The following OPCML variants were observed in gnomAD, a reference collection of about 807,000 sequenced individuals.
OPCML encodes the protein opioid binding protein/cell adhesion molecule like.
In OPCML, 13 loss-of-function variants were observed where a neutral mutation model predicts 37.8. That is an observed-to-expected ratio of 0.34 (90% CI 0.22 to 0.55). The LOEUF (loss-of-function observed/expected upper bound fraction) is 0.55, where lower values mean the gene tolerates loss of function less well. OPCML is among the 20% of genes least tolerant of loss of function. OPCML has a pLI of 0.91. For synonymous variants in OPCML, 176 were observed against 168.8 expected, an observed-to-expected ratio of 1.04 and a Z score of -0.33; for missense variants, 341 against 435.6, an observed-to-expected ratio of 0.78 and a Z score of 1.93.
chr11:133,260,682 A>G (rs946171542), intron 1 of OPCML, among the ~76,000 whole-genome samples: 2 of 149,608 alleles, frequency 1.3e-5, no homozygotes, highest in Non-Finnish European at 2.9e-5. Flanking sequence ...AAATTAAATT[A>G]AACTAAAAAT....
intron 1 of OPCML, among the ~76,000 whole-genome samples, chr11:133,344,023 A>T (rs1334386617): frequency 6.6e-6 from 1 of 152,212 alleles, no homozygotes; most frequent in Non-Finnish European, 1.5e-5. Context: ...ATGATGAAAG[A>T]TTAAACCCTG....
chr11:133,258,569 C>T (rs1181160534), intron 1 of OPCML, among the ~76,000 whole-genome samples: 2 of 152,162 alleles, frequency 1.3e-5, no homozygotes, highest in Non-Finnish European at 2.9e-5. Context: ...TTTTCCTGAG[C>T]ATGGAAATGT....
intron 1 of OPCML, among the ~76,000 whole-genome samples, chr11:132,960,118 C>T (rs748911052): frequency 6.6e-6 from 1 of 152,162 alleles, no homozygotes; most frequent in Non-Finnish European, 1.5e-5. Flanking sequence ...CTACTGCCAC[C>T]GTTAATAACA....
rs374674143 is a variant in OPCML at position 133,516,359 on chromosome 11, G to A, written c.61+15905C>T. On this transcript the variant is annotated intron_variant, in intron 1 of 7. Coordinates refer to ENST00000524381, the MANE Select transcript of OPCML (RefSeq NM_001012393.5). Reference sequence around the variant, plus strand: ...TGGAGCCGTCACAGCCAGGGGCTTCGGAGAGCCACATCCGAGGCTTCTAGT... The same window carrying A: ...TGGAGCCGTCACAGCCAGGGGCTTCAGAGAGCCACATCCGAGGCTTCTAGT... Among the ~76,000 whole-genome samples the A allele has an allele frequency of 7.9e-5, 12 of 152,212 alleles. No homozygotes were observed. In the East Asian group the frequency reaches 1.5e-3, roughly 20 times the overall value.
chr11:132,671,030 G>C (rs1459966966), intron 2 of OPCML, among the ~76,000 whole-genome samples: 3 of 152,130 alleles, frequency 2.0e-5, no homozygotes, highest in Non-Finnish European at 4.4e-5. Context: ...CAACTAGTAG[G>C]CCAGTAGCTT....
At chr11:132,730,325 TATTA>T (rs1945035334) in intron 2 of OPCML, among the ~76,000 whole-genome samples, 1 of 152,156 alleles carries the variant, frequency 6.6e-6, no homozygotes, top group African/African-American at 2.4e-5. Flanking sequence ...CATGGCATCA[TATTA>T]ATTAACTGTA....
Position 132,662,358 on chromosome 11 carries a change from CTT to C in OPCML, c.147-5041_147-5040del, listed in dbSNP as rs1942011140. Among the ~76,000 whole-genome samples the C allele has an allele frequency of 2.1e-5, 3 of 142,648 alleles. No individual in the cohort carries two copies. The South Asian group carries it at 6.7e-4, about 32-fold the overall frequency. The allele number at this position is 142,648 out of a possible 152,430, so 93.6% of individuals were successfully genotyped here. A position where few individuals can be genotyped will look rare whatever the true frequency, so the allele number is the denominator to read the frequency against. On this transcript the variant is annotated intron_variant, in intron 2 of 7. Coordinates refer to ENST00000524381, the MANE Select transcript of OPCML (RefSeq NM_001012393.5). ...ATCACTGAAAATTAAAATCAATTGG[CTT>C]TAACTTTTTTGTGTTCTTTACTTTT... is the stretch of plus-strand genomic sequence containing the variant.
At chr11:132,848,094 A>T (rs1941633837) in intron 2 of OPCML, among the ~76,000 whole-genome samples, 1 of 152,246 alleles carries the variant, frequency 6.6e-6, no homozygotes, top group African/African-American at 2.4e-5. Flanking sequence ...CTAATCAGGA[A>T]TCAGGAGGAT....
chr11:132,925,893 A>T (rs1401982614), intron 2 of OPCML, among the ~76,000 whole-genome samples: 2 of 152,142 alleles, frequency 1.3e-5, no homozygotes. Flanking sequence ...TGACTCTGTT[A>T]TTCCCTACCA....
chr11:132,437,160 A>G, intron 5 of OPCML, 62 bp downstream of exon 5: 2 of 1,585,494 alleles, frequency 1.3e-6, no homozygotes, highest in Non-Finnish European at 1.7e-6. Flanking sequence ...CCATTACCAG[A>G]TTGTCCACCT....
intron 2 of OPCML, among the ~76,000 whole-genome samples, chr11:132,683,804 C>T (rs1472727463): frequency 6.6e-6 from 1 of 152,054 alleles, no homozygotes; most frequent in African/African-American, 2.4e-5. Context: ...CTCAGAGGGA[C>T]CTTGGGCAAG....
intron 1 of OPCML, among the ~76,000 whole-genome samples, chr11:133,234,426 T>C (rs184940130): frequency 7.9e-4 from 121 of 152,320 alleles, no homozygotes; most frequent in African/African-American, 2.3e-3. Flanking sequence ...CTAACCACCA[T>C]TCTAATGATT....
chr11:133,361,608 C>A (rs144422659), intron 1 of OPCML: 2 of 158,582 alleles, frequency 1.3e-5, no homozygotes, highest in African/African-American at 5.3e-5. Context: ...CCTGCAGCTA[C>A]TCCGGGGCAC....
chr11:133,368,488 T>C (rs1004930375), intron 1 of OPCML, among the ~76,000 whole-genome samples: 1 of 152,094 alleles, frequency 6.6e-6, no homozygotes, highest in Admixed American at 6.5e-5. Context: ...CCAAGGTAAG[T>C]GTGTCCTTAT....
chr11:132,448,327 A>G (rs1344690250), intron 4 of OPCML, among the ~76,000 whole-genome samples: 1 of 152,208 alleles, frequency 6.6e-6, no homozygotes, highest in African/African-American at 2.4e-5. Flanking sequence ...TTTTCAAAAT[A>G]CTTGTATTAG....
intron 3 of OPCML, among the ~76,000 whole-genome samples, chr11:132,555,416 T>A (rs985274168): frequency 5.7e-4 from 86 of 152,000 alleles, no homozygotes; most frequent in African/African-American, 2.1e-3. Flanking sequence ...AACCATCAGA[T>A]CCCATGAGAC....
At chr11:132,665,367 C>A (rs1942172888) in intron 2 of OPCML, among the ~76,000 whole-genome samples, 1 of 152,210 alleles carries the variant, frequency 6.6e-6, no homozygotes, top group Non-Finnish European at 1.5e-5. Context: ...CTGGTCCCCA[C>A]AAGCACAGTG....
intron 1 of OPCML, among the ~76,000 whole-genome samples, chr11:133,507,341 G>A (rs1948056408): frequency 6.6e-6 from 1 of 152,196 alleles, no homozygotes; most frequent in Admixed American, 6.5e-5. Context: ...TGGGCTGGCT[G>A]CAATCAATCC....
At chr11:132,576,396 T>TC (rs1214971651) in intron 3 of OPCML, among the ~76,000 whole-genome samples, 2 of 152,056 alleles carry the variant, frequency 1.3e-5, no homozygotes, top group South Asian at 4.1e-4. Flanking sequence ...CTTTTTTTTT[T>TC]CTGCTTGATC....
Sources: allele counts gnomAD v4.1 joint callset (sites outside exome capture counted in the v4.1 genomes callset), GRCh38; gene constraint gnomAD v4.1.1; transcripts MANE v1.5; gene names NCBI Gene and HGNC (gene_info 2026-07-23, HGNC 2026-07-21).